Variants in MACROD2 observed in about 807,000 individuals in gnomAD.
The protein encoded by MACROD2 is mono-ADP ribosylhydrolase 2.
MACROD2 carries 36 observed loss-of-function variants against 70.4 expected under a neutral mutation model. The ratio of observed to expected loss-of-function variants is 0.51; its 90% CI spans 0.39 to 0.68. The LOEUF is 0.68. MACROD2 is among the 30% of genes least tolerant of loss of function. The probability of loss-of-function intolerance (pLI) is 0.00; values close to 1 mark genes in which losing one functional copy is unlikely to be tolerated. For synonymous variants in MACROD2, 172 were observed against 178.8 expected (o/e 0.96, Z 0.30); for missense variants, 496 against 538.4 (o/e 0.92, Z 0.78).
intron 3 of MACROD2, among the ~76,000 whole-genome samples, chr20:14,229,137 C>G (rs1261704652): frequency 6.6e-6 from 1 of 152,028 alleles, no homozygotes; most frequent in Non-Finnish European, 1.5e-5. Flanking sequence ...TAACATAGGA[C>G]AAAATATAGG....
intron 8 of MACROD2, among the ~76,000 whole-genome samples, chr20:15,807,405 C>G (rs187728222): frequency 6.6e-6 from 1 of 152,152 alleles, no homozygotes; most frequent in African/African-American, 2.4e-5. Context: ...CATTGTGGGT[C>G]GTATTTTGTC....
At chr20:14,682,105 A>C (rs1253509778) in intron 4 of MACROD2, among the ~76,000 whole-genome samples, 2 of 152,118 alleles carry the variant, frequency 1.3e-5, no homozygotes, top group Non-Finnish European at 2.9e-5. Context: ...ATAACCATGA[A>C]AATTTTGAGA....
rs142804271 is a variant in MACROD2 at position 14,529,203 on chromosome 20, G to A, written c.301+35695G>A. 9.2e-5 allele frequency among the ~76,000 whole-genome samples: 14 copies of A among 152,314 alleles called. No homozygotes were observed. In the East Asian group the frequency reaches 2.5e-3, roughly 27 times the overall value. ...CCATCATGCTAGTTTTAGGCTTCAAGTAACAAGAAACCCAAAAGATTAAAC... is the reference window on the plus strand; with the variant it reads ...CCATCATGCTAGTTTTAGGCTTCAAATAACAAGAAACCCAAAAGATTAAAC... On this transcript the variant is annotated intron_variant, in intron 4 of 17. Transcript: ENST00000684519.
intron 3 of MACROD2, among the ~76,000 whole-genome samples, chr20:14,131,095 T>A (rs1379141728): frequency 7.9e-5 from 12 of 152,038 alleles, no homozygotes; most frequent in Admixed American, 5.9e-4. Context: ...TGGCTAATTT[T>A]AAAAAATTTT....
intron 5 of MACROD2, among the ~76,000 whole-genome samples, chr20:15,171,376 C>T (rs79654196): frequency 0.13 from 19,213 of 151,080 alleles, 1,284 homozygotes; most frequent in Non-Finnish European, 0.15. Flanking sequence ...ATCCTTCCCC[C>T]ACCTTTCTCC....
intron 3 of MACROD2, among the ~76,000 whole-genome samples, chr20:14,240,863 G>T (rs558604790): frequency 6.6e-6 from 1 of 152,198 alleles, no homozygotes; most frequent in East Asian, 1.9e-4. Flanking sequence ...GGGCGTGGCG[G>T]CTCTTGCCTG....
chr20:15,020,272 C>A (rs1053478525), intron 5 of MACROD2, among the ~76,000 whole-genome samples: 1 of 152,056 alleles, frequency 6.6e-6, no homozygotes, highest in Middle Eastern at 3.2e-3. Context: ...AAAATTTTTT[C>A]CTGGGATACT....
intron 3 of MACROD2, among the ~76,000 whole-genome samples, chr20:14,492,612 T>C (rs2084807127): frequency 6.6e-6 from 1 of 152,146 alleles, no homozygotes; most frequent in Non-Finnish European, 1.5e-5. Context: ...TTTTGGTAAC[T>C]CAGTTTTCAC....
intron 5 of MACROD2, among the ~76,000 whole-genome samples, chr20:15,132,854 G>C (rs1200535487): frequency 6.6e-6 from 1 of 151,914 alleles, no homozygotes; most frequent in African/African-American, 2.4e-5. Context: ...AAAATAAATT[G>C]GTACTGGAGA....
intron 8 of MACROD2, among the ~76,000 whole-genome samples, chr20:15,786,564 A>T (rs529095768): frequency 1.3e-5 from 2 of 152,356 alleles, no homozygotes; most frequent in East Asian, 3.9e-4. Context: ...ACAGAATAAG[A>T]TAATACTCCT....
chr20:14,368,542 C>CAA (rs1369594489), intron 3 of MACROD2, among the ~76,000 whole-genome samples: 2 of 130,330 alleles, frequency 1.5e-5, no homozygotes, highest in African/African-American at 2.8e-5. Flanking sequence ...GACTCTGTCT[C>CAA]AAAAAAAAAA....
chr20:15,490,303 T>A (rs1224161882), intron 7 of MACROD2, among the ~76,000 whole-genome samples: 1 of 151,228 alleles, frequency 6.6e-6, no homozygotes, highest in Admixed American at 6.6e-5. Flanking sequence ...CTTTCTCCTT[T>A]CTTTCAACAG....
chr20:14,055,575 C>G (rs544293342), intron 2 of MACROD2, among the ~76,000 whole-genome samples: 1 of 151,028 alleles, frequency 6.6e-6, no homozygotes, highest in Admixed American at 6.6e-5. Context: ...TGTCCATTTA[C>G]CAGTCTGGGC....
chr20:15,767,161 A>G (rs1481168798), intron 8 of MACROD2, among the ~76,000 whole-genome samples: 1 of 152,250 alleles, frequency 6.6e-6, no homozygotes, highest in Non-Finnish European at 1.5e-5. Flanking sequence ...ACACAAGTAC[A>G]TAATTTCCCT....
chr20:14,926,282 G>C (rs1175562095), intron 5 of MACROD2, among the ~76,000 whole-genome samples: 1 of 152,034 alleles, frequency 6.6e-6, no homozygotes, highest in African/African-American at 2.4e-5. Context: ...AGGTGCGGTG[G>C]CTCACACCTG....
chr20:14,641,541 A>G (rs1985090159), intron 4 of MACROD2, among the ~76,000 whole-genome samples: 1 of 152,148 alleles, frequency 6.6e-6, no homozygotes, highest in Non-Finnish European at 1.5e-5. Flanking sequence ...TACAAAATGT[A>G]TTTTTTAAAT....
rs144146938 is a variant in MACROD2, at chr20:16,004,495, G to A, written c.1153+17337G>A. On this transcript the variant is annotated intron_variant, in intron 15 of 17. Coordinates refer to ENST00000684519, the MANE Select transcript of MACROD2 (RefSeq NM_001351661.2). Reference sequence around the variant, plus strand: ...CACGACTACTCCAAATGTCATGCTCGGGGTCAGGTTCCAGCCCCAGCTGAG... The same window carrying A: ...CACGACTACTCCAAATGTCATGCTCAGGGTCAGGTTCCAGCCCCAGCTGAG... Among the ~76,000 whole-genome samples, 790 of 152,322 alleles carry A rather than the reference G, an allele frequency of 5.2e-3. 12 individuals are homozygous for A. Among genetic ancestry groups the A allele is most frequent in the Admixed American group, 7.4e-3 (113 of 15,302 alleles).
intron 5 of MACROD2, among the ~76,000 whole-genome samples, chr20:14,763,450 C>T (rs796076224): frequency 1.1e-4 from 17 of 152,168 alleles, no homozygotes; most frequent in African/African-American, 4.1e-4. Flanking sequence ...AAAAGTTTCT[C>T]TCTGTGACTT....
intron 4 of MACROD2, among the ~76,000 whole-genome samples, chr20:14,570,900 A>AG (rs1980147981): frequency 6.6e-6 from 1 of 152,016 alleles, no homozygotes; most frequent in Non-Finnish European, 1.5e-5. Flanking sequence ...GCAGCCAAGA[A>AG]TGATGTAGCC....
Sources: allele counts gnomAD v4.1 joint callset (sites outside exome capture counted in the v4.1 genomes callset), GRCh38; gene constraint gnomAD v4.1.1; transcripts MANE v1.5; gene names NCBI Gene and HGNC (gene_info 2026-07-23, HGNC 2026-07-21).